The following APOB variants were observed in gnomAD, a reference collection of about 807,000 sequenced individuals.
APOB encodes apolipoprotein B-100.
In APOB, 153 loss-of-function variants were observed where a neutral mutation model predicts 314.1. The ratio of observed to expected loss-of-function variants is 0.49; its 90% confidence interval spans 0.43 to 0.56. The LOEUF (loss-of-function observed/expected upper bound fraction) is 0.56, where lower values mean the gene tolerates loss of function less well. Ranked by LOEUF, APOB falls within the 20% of genes least tolerant of loss-of-function variation. APOB has a pLI of 0.00. For missense variants in APOB, 5,430 were observed against 5,350.7 expected (o/e 1.01, Z -0.46); for synonymous variants, 2,087 against 2,036.4 (o/e 1.02, Z -0.67).
At chr2:21,043,377 C>G in intron 2 of APOB, 136 bp downstream of exon 2, 1 of 1,035,844 alleles carries the variant, frequency 9.7e-7, no homozygotes, top group Non-Finnish European at 1.5e-6. Flanking sequence ...GCTCAGGGAA[C>G]TTGCTTCCTG....
At chr2:21,036,420 C>T (rs970941486) in intron 6 of APOB, among the ~76,000 whole-genome samples, 2 of 152,186 alleles carry the variant, frequency 1.3e-5, no homozygotes, top group Non-Finnish European at 2.9e-5. Flanking sequence ...GAACAGCGCC[C>T]AGCATGACAG....
At chr2:21,004,810 C>A in intron 26 of APOB, 135 bp from the exon 27 acceptor site, 1 of 758,000 alleles carries the variant, frequency 1.3e-6, no homozygotes, top group South Asian at 1.7e-5. Flanking sequence ...ACAGCTCACA[C>A]TTATTTTAAA....
At chr2:21,021,447 G>A (rs12720833) in intron 18 of APOB, among the ~76,000 whole-genome samples, 3,429 of 152,170 alleles carry the variant, frequency 0.023, 125 homozygotes, top group African/African-American at 0.079. Flanking sequence ...TTCCACACTA[G>A]AGTCAGAGTA....
Position 21,029,705 on chromosome 2 carries a change from T to G in APOB, c.1551A>C (p.Thr517=). Residue 517 remains threonine (T), a synonymous_variant, in exon 12 of 29, where the codon ACA becomes ACC. Coordinates refer to ENST00000233242, the MANE Select transcript of APOB (RefSeq NM_000384.3). The part of the protein sequence containing the change: ...KSSILKCVQS[T]KPSLMIQKAA... ...CTTTCTGGATCATCAGTGATGGCTT[T>G]GTACTTTGGACACATTTCAGGATTG... is the stretch of plus-strand genomic sequence containing the variant. 6.2e-7 allele frequency: 1 copy of G among 1,614,220 alleles called. No individual in the cohort carries two copies. The highest frequency in any genetic ancestry group is 8.5e-7 in the Non-Finnish European group (1 of 1,180,036).
At position 21,043,880 on chromosome 2, in the gene APOB, C is replaced by CAGG. The variant is rs1423995516; in HGVS notation, c.65_66insCCT (p.Leu22dup). The CAGG allele has an allele frequency of 7.9e-7, 1 of 1,266,546 alleles. No individual in the cohort carries two copies. The highest frequency in any genetic ancestry group is 2.7e-5 in the Admixed American group (1 of 37,014). 78.5% of individuals were successfully genotyped at this position (1,266,546 alleles called of 1,614,324 possible). On this transcript the variant is annotated inframe_insertion, in exon 1 of 29. Coordinates refer to ENST00000233242, the MANE Select transcript of APOB (RefSeq NM_000384.3). Reference sequence around the variant, plus strand: ...CGCACTCACCGGCCCTGGCGCCCGCCAGCAGCAGCAGCAGCAGCGCAGGCA... The same window carrying CAGG: ...CGCACTCACCGGCCCTGGCGCCCGCCAGGAGCAGCAGCAGCAGCAGCGCAGGCA...
In APOB at chr2:21,024,982, C is replaced by T; in HGVS notation, c.2387G>A (p.Gly796Glu). The change falls in exon 16 of 29, where the codon GGA becomes GAA. Residue 796 changes from glycine (G) to glutamate (E), a missense_variant. Transcript: ENST00000233242. The stretch of plus-strand genomic sequence containing the variant: ...GCGGGCACCCATCAGAAGCAGCTTT[C>T]CCAGGAGCTGGAGGTCATGGAGACT... ...FASLHDLQLL[G>E]KLLLMGARTL... 2 of 1,614,174 alleles carry T rather than the reference C, an allele frequency of 1.2e-6. No homozygotes were observed. Among genetic ancestry groups the T allele is most frequent in the South Asian group, 1.1e-5 (1 of 91,090 alleles).
At position 21,003,064 on chromosome 2, in the gene APOB, T is replaced by C; in HGVS notation, c.12358A>G (p.Ile4120Val). 6.4e-7 allele frequency: 1 copy of C among 1,573,502 alleles called. No individual in the cohort carries two copies. Among genetic ancestry groups the C allele is most frequent in the Non-Finnish European group, 8.6e-7 (1 of 1,160,286 alleles). ...ACGTCGATATCATCAATTTGCCTAATGGCCCCTTGATAAACCCACTCAGCA... is the reference window on the plus strand; with the variant it reads ...ACGTCGATATCATCAATTTGCCTAACGGCCCCTTGATAAACCCACTCAGCA... ...NNAEWVYQGA[I>V]RQIDDIDVRF... The change falls in exon 29 of 29, where the codon ATT becomes GTT. Residue 4120 changes from isoleucine (I) to valine (V), a missense_variant. Ile to Val is a conservative substitution (Grantham distance 29). Coordinates refer to ENST00000233242, the MANE Select transcript of APOB (RefSeq NM_000384.3).
Position 21,011,115 on chromosome 2 carries a change from G to A in APOB, c.5753C>T (p.Ala1918Val), listed in dbSNP as rs1663306390. ...DAHTNGNGKLALWGEHTGQLY... is the reference protein window; with the variant it reads ...DAHTNGNGKLVLWGEHTGQLY... Reference sequence around the variant, plus strand: ...CTGCCCAGTATGTTCTCCCCAGAGAGCGAGTTTCCCATTGCCATTTGTATG... The same window carrying A: ...CTGCCCAGTATGTTCTCCCCAGAGAACGAGTTTCCCATTGCCATTTGTATG... The change falls in exon 26 of 29, where the codon GCT (alanine) becomes GTT (valine). Residue 1918 changes from alanine (A) to valine (V), a missense_variant. Ala to Val is a moderately conservative substitution (Grantham distance 64, BLOSUM62 0). Coordinates refer to ENST00000233242, the MANE Select transcript of APOB (RefSeq NM_000384.3). 1 of 1,614,224 alleles carries A rather than the reference G, an allele frequency of 6.2e-7. No individual in the cohort carries two copies. Among genetic ancestry groups the A allele is most frequent in the Non-Finnish European group, 8.5e-7 (1 of 1,180,034 alleles).
At position 21,006,471 on chromosome 2, in the gene APOB, G is replaced by T; in HGVS notation, c.10397C>A (p.Ser3466Tyr). The T allele has an allele frequency of 1.2e-6, 2 of 1,614,108 alleles. No homozygotes were observed. The highest frequency in any genetic ancestry group is 1.7e-6 in the Non-Finnish European group (2 of 1,179,956). Residue 3466 changes from serine (S) to tyrosine (Y), a missense_variant, in exon 26 of 29, where the codon TCT becomes TAT. Ser to Tyr is a moderately radical substitution (Grantham distance 144). Around this residue, in one of 3 missense-constraint regions of APOB, gnomAD observed 3,281 missense variants for 3,171.0 expected, o/e 1.03. Transcript: ENST00000233242. Reference sequence around the variant, plus strand: ...TTTAGCGGTAGAGTACAGCATTGAAGAATTGAAATCATACTTAAATTCCAT... The same window carrying T: ...TTTAGCGGTAGAGTACAGCATTGAATAATTGAAATCATACTTAAATTCCAT... ...SSMEFKYDFNSSMLYSTAKGA... is the reference protein window; with the variant it reads ...SSMEFKYDFNYSMLYSTAKGA...
At chr2:21,016,996 A>AAAAG (rs1393812444) in intron 20 of APOB, among the ~76,000 whole-genome samples, 1 of 103,294 alleles carries the variant, frequency 9.7e-6, no homozygotes, top group African/African-American at 4.1e-5. Context: ...AAAATAAATA[A>AAAAG]ATAAATAAAT....
intron 4 of APOB, among the ~76,000 whole-genome samples, chr2:21,038,590 C>T (rs1303348021): frequency 6.6e-6 from 1 of 152,236 alleles, no homozygotes; most frequent in Non-Finnish European, 1.5e-5. Context: ...CCCTCCTCGG[C>T]CTCCCAAAGT....
At chr2:21,026,690 A>G (rs1252980734) in intron 15 of APOB, 98 bp downstream of exon 15, 1 of 1,002,502 alleles carries the variant, frequency 1.0e-6, no homozygotes, top group African/African-American at 1.6e-5. Flanking sequence ...TTATCCCTTC[A>G]GTTAGATAGT....
At position 21,014,728 on chromosome 2, in the gene APOB, C is replaced by T. The variant is rs923455719; in HGVS notation, c.3697-135G>A. On this transcript the variant is annotated intron_variant, in intron 23 of 28. Coordinates refer to ENST00000233242, the MANE Select transcript of APOB (RefSeq NM_000384.3). ...TGCACTGAAAGTTAAAAATAAATAA[C>T]AGAAAATTATGAATCTTCGTTGCCA... The T allele has an allele frequency of 3.1e-5, 28 of 908,158 alleles. No homozygotes were observed. In the Middle Eastern group the frequency reaches 1.4e-3, roughly 45 times the overall value. The allele number at this position is 908,158 out of a possible 1,614,324, so 56.3% of individuals were successfully genotyped here.
intron 1 of APOB, 24 bp from the exon 2 acceptor site, chr2:21,043,575 TG>T: frequency 6.3e-7 from 1 of 1,592,580 alleles, no homozygotes; most frequent in Non-Finnish European, 8.6e-7. Flanking sequence ...GAAAGAAATC[TG>T]TGAGCTTCCC....
intron 19 of APOB, among the ~76,000 whole-genome samples, chr2:21,019,412 C>T (rs1217533854): frequency 1.3e-5 from 2 of 152,014 alleles, no homozygotes; most frequent in African/African-American, 2.4e-5. Flanking sequence ...CACCTAAGTA[C>T]GGTGAAGGCT....
rs1572780174 is a variant in APOB, at chr2:21,007,723, A to T, written c.9145T>A (p.Ser3049Thr). ...TTCAAATTCCCTTCATTGTTTGTGG[A>T]TGCCGTGATCTCAAATGGCTGGGCT... ...FSAQPFEITA[S>T]TNNEGNLKVR... The change falls in exon 26 of 29, where the codon TCC becomes ACC. Residue 3049 changes from serine (S) to threonine (T), a missense_variant. By Grantham distance (58) the Ser-to-Thr change is moderately conservative. Transcript: ENST00000233242. 1 of 1,614,104 alleles carries T rather than the reference A, an allele frequency of 6.2e-7. No homozygotes were observed. Among genetic ancestry groups the T allele is most frequent in the Non-Finnish European group, 8.5e-7 (1 of 1,179,954 alleles).
Position 21,010,535 on chromosome 2 carries a change from G to C in APOB, c.6333C>G (p.Tyr2111Ter). The C allele has an allele frequency of 1.9e-6, 3 of 1,609,954 alleles. No homozygotes were observed. Among genetic ancestry groups the C allele is most frequent in the African/African-American group, 1.3e-5 (1 of 74,896 alleles). Residue 2111 changes from tyrosine (Y) to a stop codon, truncating the protein, a stop_gained, in exon 26 of 29, where the codon TAC (tyrosine) becomes TAG (stop). Transcript: ENST00000233242. LOFTEE classifies it high-confidence loss of function. The part of the protein sequence containing the change: ...HINIDQFVRK[Y>*]RAALGKLPQQ... ...GTGGGAGTTTTCCCAGGGCTGCTCT[G>C]TATTTTCTTACAAATTGATCAATAT...
chr2:21,026,821 G>A lies in APOB; in HGVS notation c.2211C>T (p.His737=), dbSNP rs746446519. The change falls in exon 15 of 29, where the codon CAC becomes CAT. Residue 737 remains histidine, a synonymous_variant. Transcript: ENST00000233242. The part of the protein sequence containing the change: ...PDGVSKVLVD[H]FGYTKDDKHE... Reference sequence around the variant, plus strand: ...GTTTATCATCTTTGGTATAGCCAAAGTGGTCCACTAAGACCTTAGAGACAC... The same window carrying A: ...GTTTATCATCTTTGGTATAGCCAAAATGGTCCACTAAGACCTTAGAGACAC... The A allele has an allele frequency of 6.2e-6, 10 of 1,614,056 alleles. No homozygotes were observed. The South Asian group carries it at 8.8e-5, about 14-fold the overall frequency.
rs1458149815 is a variant in APOB, at chr2:21,009,549, T to C, written c.7319A>G (p.Asn2440Ser). 13 of 1,614,092 alleles carry C rather than the reference T, an allele frequency of 8.1e-6. No individual in the cohort carries two copies. Among genetic ancestry groups the C allele is most frequent in the Non-Finnish European group, 1.1e-5 (13 of 1,179,986 alleles). ...CTGAGTCACCTCACGGATTTTGTCA[T>C]TGGTTTCATCTACAAACTGGTGGTA... is the stretch of plus-strand genomic sequence containing the variant. ...FDYHQFVDET[N>S]DKIREVTQRL... The change falls in exon 26 of 29, where the codon AAT becomes AGT. Residue 2440 changes from asparagine (N) to serine (S), a missense_variant. Around this residue, in one of 3 missense-constraint regions of APOB, gnomAD observed 3,281 missense variants for 3,171.0 expected, o/e 1.03. Transcript: ENST00000233242.
Sources: allele counts gnomAD v4.1 joint callset (sites outside exome capture counted in the v4.1 genomes callset), GRCh38; gene constraint gnomAD v4.1.1; regional missense constraint gnomAD v4.1.1; transcripts MANE v1.5; gene names NCBI Gene and HGNC (gene_info 2026-07-23, HGNC 2026-07-21).